PTPRJ: variants seen among roughly 807,000 people sequenced by gnomAD.
The protein encoded by PTPRJ is receptor-type tyrosine-protein phosphatase eta.
A neutral mutation model predicts 141.3 loss-of-function variants in PTPRJ; 129 were observed. The observed-to-expected ratio is 0.91, with a 90% CI of 0.79 to 1.06. The LOEUF (loss-of-function observed/expected upper bound fraction) is 1.06, where lower values mean the gene tolerates loss of function less well. Among genes scored for constraint, PTPRJ ranks in the 50% least tolerant of loss-of-function variants. PTPRJ has a pLI of 0.00. For synonymous variants in PTPRJ, 610 were observed against 640.5 expected (o/e 0.95, Z 0.72); for missense variants, 1,601 against 1,679.7 (o/e 0.95, Z 0.82).
chr11:48,019,295 C>G (rs960926522), intron 1 of PTPRJ, among the ~76,000 whole-genome samples: 6 of 152,144 alleles, frequency 3.9e-5, no homozygotes, highest in African/African-American at 1.4e-4. Context: ...GGTTCCCTGT[C>G]TTCCACCTGG....
intron 1 of PTPRJ, among the ~76,000 whole-genome samples, chr11:48,099,445 G>T (rs186244613): frequency 7.2e-5 from 11 of 152,166 alleles, no homozygotes; most frequent in Non-Finnish European, 1.6e-4. Context: ...GGCTGGTTTC[G>T]CAGTACAAGG....
At chr11:48,030,027 G>A (rs1392371215) in intron 1 of PTPRJ, among the ~76,000 whole-genome samples, 1 of 152,166 alleles carries the variant, frequency 6.6e-6, no homozygotes, top group Non-Finnish European at 1.5e-5. Flanking sequence ...TATCTTGATT[G>A]TATGTTCTCT....
chr11:48,062,438 A>C (rs904288384), intron 1 of PTPRJ, among the ~76,000 whole-genome samples: 4 of 151,854 alleles, frequency 2.6e-5, no homozygotes, highest in African/African-American at 9.7e-5. Flanking sequence ...GCGTGAACCC[A>C]GGAGGCGGAG....
intron 22 of PTPRJ, 44 bp downstream of exon 22, chr11:48,160,093 A>C (rs755738761): frequency 6.2e-7 from 1 of 1,601,982 alleles, no homozygotes. Flanking sequence ...TAATTACCAT[A>C]TGTTAATTTG....
In PTPRJ at chr11:48,022,710, G is replaced by C. The variant is rs571763185; in HGVS notation, c.96+41702G>C. Among the ~76,000 whole-genome samples the C allele has an allele frequency of 9.2e-5, 14 of 152,198 alleles. No individual in the cohort carries two copies. The East Asian group carries it at 2.7e-3, about 29-fold the overall frequency. On this transcript the variant is annotated intron_variant, in intron 1 of 24. Coordinates refer to ENST00000418331, the MANE Select transcript of PTPRJ (RefSeq NM_002843.4). ...GTAGTGCCAAGACCAAGTGAAAGAG[G>C]CTTCTGGACCTCCATCCTTGCTTCA... is the stretch of plus-strand genomic sequence containing the variant.
At chr11:48,117,756 C>T (rs901048212) in intron 3 of PTPRJ, among the ~76,000 whole-genome samples, 1 of 151,440 alleles carries the variant, frequency 6.6e-6, no homozygotes, top group Non-Finnish European at 1.5e-5. Context: ...GAAATAGGCA[C>T]TAGAAAAACA....
intron 8 of PTPRJ, among the ~76,000 whole-genome samples, chr11:48,133,830 T>G (rs1359620406): frequency 6.6e-6 from 1 of 152,224 alleles, no homozygotes; most frequent in Non-Finnish European, 1.5e-5. Flanking sequence ...TTGAGGACAT[T>G]ATGCTAAGTG....
intron 1 of PTPRJ, among the ~76,000 whole-genome samples, chr11:47,996,719 G>A (rs1424810471): frequency 6.6e-6 from 1 of 152,220 alleles, no homozygotes; most frequent in Non-Finnish European, 1.5e-5. Context: ...TGCACCCAGG[G>A]TGCAGGGAGA....
chr11:48,055,765 C>T (rs1322574740), intron 1 of PTPRJ, among the ~76,000 whole-genome samples: 1 of 152,330 alleles, frequency 6.6e-6, no homozygotes, highest in African/African-American at 2.4e-5. Context: ...GCCTGTCTCT[C>T]GTTCTGGTCA....
intron 6 of PTPRJ, among the ~76,000 whole-genome samples, chr11:48,125,641 C>T (rs138695952): frequency 1.5e-3 from 222 of 152,302 alleles, no homozygotes; most frequent in African/African-American, 5.2e-3. Flanking sequence ...GCTGCTTCCT[C>T]GCTATAATTT....
intron 1 of PTPRJ, among the ~76,000 whole-genome samples, chr11:48,049,154 G>C (rs139449376): frequency 1.8e-4 from 27 of 152,220 alleles, no homozygotes; most frequent in African/African-American, 6.5e-4. Context: ...TGTGAGCGCT[G>C]TCCTGTGCAT....
At chr11:48,156,509 G>A (rs1590566667) in intron 21 of PTPRJ, among the ~76,000 whole-genome samples, 1 of 150,426 alleles carries the variant, frequency 6.6e-6, no homozygotes, top group South Asian at 2.1e-4. Context: ...TGAGATGAGG[G>A]TTTTCATCAG....
intron 1 of PTPRJ, among the ~76,000 whole-genome samples, chr11:48,060,602 G>T (rs1854893883): frequency 6.6e-6 from 1 of 152,168 alleles, no homozygotes; most frequent in Non-Finnish European, 1.5e-5. Flanking sequence ...ATTTTAGTAA[G>T]CTTGGAAGAA....
intron 1 of PTPRJ, among the ~76,000 whole-genome samples, chr11:47,996,194 G>C (rs1854330633): frequency 6.6e-6 from 1 of 151,782 alleles, no homozygotes; most frequent in Non-Finnish European, 1.5e-5. Flanking sequence ...AATTAGCTGG[G>C]CATGGTGGTG....
chr11:48,113,409 G>C (rs1386158841), intron 3 of PTPRJ, among the ~76,000 whole-genome samples: 1 of 152,178 alleles, frequency 6.6e-6, no homozygotes, highest in Non-Finnish European at 1.5e-5. Flanking sequence ...ATCAGGGTTG[G>C]CAGATAATAA....
At chr11:48,117,540 CAAAAAAAAAAAA>C (rs71045545) in intron 3 of PTPRJ, among the ~76,000 whole-genome samples, 5 of 19,674 alleles carry the variant, frequency 2.5e-4, no homozygotes, top group Admixed American at 2.1e-3. Flanking sequence ...GATTCTGTCT[CAAAAAAAAAAAA>C]AAAAAAAAAA....
intron 14 of PTPRJ, among the ~76,000 whole-genome samples, chr11:48,146,312 A>G (rs1299881005): frequency 6.6e-6 from 1 of 152,182 alleles, no homozygotes; most frequent in Non-Finnish European, 1.5e-5. Flanking sequence ...AGAGGGGTGC[A>G]TCCCCTACCT....
chr11:48,060,281 T>C (rs1195140618), intron 1 of PTPRJ, among the ~76,000 whole-genome samples: 1 of 152,242 alleles, frequency 6.6e-6, no homozygotes, highest in Non-Finnish European at 1.5e-5. Flanking sequence ...AAAAATGTTT[T>C]CGAGATGTCC....
chr11:48,023,006 T>C (rs1237256199), intron 1 of PTPRJ, among the ~76,000 whole-genome samples: 1 of 152,068 alleles, frequency 6.6e-6, no homozygotes, highest in African/African-American at 2.4e-5. Flanking sequence ...GATAGGGCGG[T>C]GGGTAAAAGC....
Sources: allele counts gnomAD v4.1 joint callset (sites outside exome capture counted in the v4.1 genomes callset), GRCh38; gene constraint gnomAD v4.1.1; transcripts MANE v1.5; gene names NCBI Gene and HGNC (gene_info 2026-07-23, HGNC 2026-07-21).